Variants in MED16 observed in about 807,000 individuals in gnomAD.
MED16 encodes the protein mediator of RNA polymerase II transcription subunit 16.
A neutral mutation model predicts 84.4 loss-of-function variants in MED16; 81 were observed. The ratio of observed to expected loss-of-function variants is 0.96; its 90% CI spans 0.80 to 1.15. The LOEUF (loss-of-function observed/expected upper bound fraction) is 1.15. Ranked by LOEUF, MED16 falls within the 50% of genes most tolerant of loss-of-function variation. The pLI is 0.00. For missense variants in MED16, 1,585 were observed against 1,245.9 expected, an observed-to-expected ratio of 1.27 and a Z score of -4.10; for synonymous variants, 897 against 552.2, an observed-to-expected ratio of 1.62 and a Z score of -8.76.
At chr19:872,784 T>G (rs2036113358) in intron 11 of MED16, 7 of 185,254 alleles carry the variant, frequency 3.8e-5, no homozygotes, top group East Asian at 1.9e-4. Context: ...GGGTAAGGGG[T>G]GGGGGCAGCA....
intron 2 of MED16, among the ~76,000 whole-genome samples, chr19:890,735 C>T (rs73505590): frequency 0.018 from 2,767 of 152,296 alleles, 73 homozygotes; most frequent in African/African-American, 0.062. Context: ...GATTCGATCC[C>T]GCACACGGGG....
rs2145213292 is a variant in MED16 at position 877,018 on chromosome 19, T to C, written c.1516A>G (p.Lys506Glu). The C allele has an allele frequency of 1.2e-6, 2 of 1,612,186 alleles. No individual in the cohort carries two copies. Among genetic ancestry groups the C allele is most frequent in the Middle Eastern group, 1.7e-4 (1 of 6,048 alleles). ...QPSMVQSLVE[K>E]LHEEYTRQTA... ...TGGCGCGTGTACTCCTCGTGCAGCTTCTCCACCAGGCTCTGTACCATACTG... is the reference window on the plus strand; with the variant it reads ...TGGCGCGTGTACTCCTCGTGCAGCTCCTCCACCAGGCTCTGTACCATACTG... The change falls in exon 9 of 16, where the codon AAG becomes GAG. Residue 506 changes from lysine (K) to glutamate (E), a missense_variant. Coordinates refer to ENST00000325464, the MANE Select transcript of MED16 (RefSeq NM_005481.3).
At chr19:878,947 G>A (rs1005475004) in intron 8 of MED16, among the ~76,000 whole-genome samples, 1 of 95,328 alleles carries the variant, frequency 1.0e-5, no homozygotes, top group African/African-American at 4.0e-5. Flanking sequence ...CCCGGCCCCG[G>A]CCGCAGCTCC....
At chr19:890,824 A>C in intron 2 of MED16, 139 bp downstream of exon 2, 1 of 932,846 alleles carries the variant, frequency 1.1e-6, no homozygotes, top group Non-Finnish European at 1.5e-6. Flanking sequence ...AGGCTCTCAC[A>C]CAAGTTACAG....
chr19:882,317 G>T (rs547907800), intron 6 of MED16, among the ~76,000 whole-genome samples: 1 of 152,162 alleles, frequency 6.6e-6, no homozygotes, highest in Non-Finnish European at 1.5e-5. Flanking sequence ...AGACCAGCCT[G>T]GACAACACAG....
rs201545631 is a variant in MED16, at chr19:881,510, C to T, written c.1141+49G>A. The T allele has an allele frequency of 1.5e-4, 231 of 1,574,158 alleles. No homozygotes were observed. In the African/African-American group the frequency reaches 2.8e-3, roughly 19 times the overall value. ...GTGGCCTGTGCTCAGGGCCCAACTC[C>T]CCTGGTGTGAACTGAGGCCCCGCGT... On this transcript the variant is annotated intron_variant, in intron 7 of 15. Transcript: ENST00000325464.
chr19:870,700 A>C (rs1338098498), intron 13 of MED16, among the ~76,000 whole-genome samples: 2 of 151,574 alleles, frequency 1.3e-5, no homozygotes, highest in Non-Finnish European at 2.9e-5. Context: ...AGTCATGGCC[A>C]TGACTGGAGA....
chr19:868,852 G>A lies in MED16; in HGVS notation c.2399+11C>T, dbSNP rs1359740246. ...CATCTCTGGGAGTCAGCGGTTCCGG[G>A]GGCCCCTCACCTGGTGCAGGCCTTG... is the stretch of plus-strand genomic sequence containing the variant. On this transcript the variant is annotated intron_variant, in intron 14 of 15. Transcript: ENST00000325464. The A allele has an allele frequency of 6.5e-7, 1 of 1,546,096 alleles. No individual in the cohort carries two copies. The highest frequency in any genetic ancestry group is 2.0e-5 in the Admixed American group (1 of 50,786).
chr19:892,315 C>T (rs902937599), intron 1 of MED16: 3 of 156,750 alleles, frequency 1.9e-5, no homozygotes, highest in African/African-American at 4.8e-5. Context: ...GCTTCCCACA[C>T]TTCATTTCAC....
intron 9 of MED16, 111 bp from the exon 10 acceptor site, chr19:875,565 G>A: frequency 2.4e-6 from 2 of 846,514 alleles, no homozygotes; most frequent in Non-Finnish European, 3.6e-6. Flanking sequence ...CGGTCAGCTG[G>A]GCAAGCTGCT....
rs1440488915 is a variant in MED16, at chr19:891,268, A to T, written c.-18-119T>A. On this transcript the variant is annotated intron_variant, in intron 1 of 15. Transcript: ENST00000325464. ...GTGGTAGAGGGAACAGCCGATGCAA[A>T]GGCCCGGAGGCCAGACAGAGCCTGG... 9.2e-6 allele frequency: 9 copies of T among 974,576 alleles called. No individual in the cohort carries two copies. The African/African-American group carries it at 1.3e-4, about 14-fold the overall frequency. 60.4% of individuals were successfully genotyped at this position (974,576 alleles called of 1,614,324 possible).
At position 890,129 on chromosome 19, in the gene MED16, C is replaced by T. The variant is rs766628949; in HGVS notation, c.277+8G>A. 7.2e-6 allele frequency: 11 copies of T among 1,537,902 alleles called. No homozygotes were observed. The highest frequency in any genetic ancestry group is 2.4e-5 in the East Asian group (1 of 40,870). On this transcript the variant is annotated splice_region_variant and intron_variant, in intron 3 of 15. Coordinates refer to ENST00000325464, the MANE Select transcript of MED16 (RefSeq NM_005481.3). ...GCCACCCCTGGCCACGTGGGACCAG[C>T]GCCTCACCTGACTGGTCCCACTCCA...
chr19:891,713 G>A (rs1311177122), intron 1 of MED16, among the ~76,000 whole-genome samples: 1 of 125,598 alleles, frequency 8.0e-6, no homozygotes, highest in Non-Finnish European at 1.7e-5. Flanking sequence ...GTGTGACGGG[G>A]AACACCTGTG....
intron 6 of MED16, among the ~76,000 whole-genome samples, chr19:884,286 C>T (rs1007617701): frequency 6.6e-6 from 1 of 152,202 alleles, no homozygotes; most frequent in South Asian, 2.1e-4. Context: ...AGCAGGCGGG[C>T]GTCCCTGCTT....
chr19:867,992 C>A lies in MED16; in HGVS notation c.*109G>T. Reference sequence around the variant, plus strand: ...CGCAGAGGGCGTTTATTGGACCTGTCCTTCCCAGCCGCTGCTTGTCCAGGT... The same window carrying A: ...CGCAGAGGGCGTTTATTGGACCTGTACTTCCCAGCCGCTGCTTGTCCAGGT... On this transcript the variant is annotated 3_prime_UTR_variant, in exon 16 of 16. Coordinates refer to ENST00000325464, the MANE Select transcript of MED16 (RefSeq NM_005481.3). 1 of 1,410,346 alleles carries A rather than the reference C, an allele frequency of 7.1e-7. No individual in the cohort carries two copies. Among genetic ancestry groups the A allele is most frequent in the East Asian group, 2.3e-5 (1 of 42,604 alleles). 87.4% of individuals were successfully genotyped at this position (1,410,346 alleles called of 1,614,324 possible).
chr19:869,022 G>C (rs889980156), intron 13 of MED16, 76 bp from the exon 14 acceptor site: 1 of 1,315,812 alleles, frequency 7.6e-7, no homozygotes, highest in African/African-American at 1.5e-5. Context: ...TCTGTCCACA[G>C]GCGGGGGTGG....
intron 6 of MED16, among the ~76,000 whole-genome samples, chr19:884,383 G>A (rs1030653773): frequency 3.9e-5 from 6 of 152,128 alleles, no homozygotes; most frequent in Non-Finnish European, 7.4e-5. Flanking sequence ...GGATAGAGAT[G>A]GGAATGGGGG....
intron 1 of MED16, 142 bp downstream of exon 1, chr19:892,937 CGCCCCAG>C (rs1291299111): frequency 3.6e-5 from 5 of 137,998 alleles, no homozygotes; most frequent in Admixed American, 7.4e-5. Flanking sequence ...CCGCGCCCCG[CGCCCCAG>C]GCCGCCTACC....
At chr19:892,073 G>C (rs1361240721) in intron 1 of MED16, among the ~76,000 whole-genome samples, 1 of 152,026 alleles carries the variant, frequency 6.6e-6, no homozygotes, top group African/African-American at 2.4e-5. Flanking sequence ...GGCGGGGGCT[G>C]AGTGTCACAG....
Sources: allele counts gnomAD v4.1 joint callset (sites outside exome capture counted in the v4.1 genomes callset), GRCh38; gene constraint gnomAD v4.1.1; transcripts MANE v1.5; gene names NCBI Gene and HGNC (gene_info 2026-07-23, HGNC 2026-07-21).